Variants in VSIG10 observed in about 807,000 individuals in gnomAD.
The protein encoded by VSIG10 is V-set and immunoglobulin domain-containing protein 10.
In VSIG10, 48 loss-of-function variants were observed where a neutral mutation model predicts 58.7. The ratio of observed to expected loss-of-function variants is 0.82; its 90% CI spans 0.65 to 1.04. The LOEUF (loss-of-function observed/expected upper bound fraction) is 1.04. Ranked by LOEUF, VSIG10 falls within the 50% of genes least tolerant of loss-of-function variation. The pLI, the probability that VSIG10 is intolerant of heterozygous loss-of-function variation, is 0.00. For synonymous variants in VSIG10, 260 were observed against 267.1 expected (o/e 0.97, Z 0.26); for missense variants, 628 against 670.0 (o/e 0.94, Z 0.69).
At chr12:118,091,855 T>G (rs181883381) in intron 2 of VSIG10, among the ~76,000 whole-genome samples, 2 of 151,924 alleles carry the variant, frequency 1.3e-5, no homozygotes, top group Admixed American at 1.3e-4. Flanking sequence ...TCTCCCAAGT[T>G]GAAGCGATTC....
At chr12:118,096,441 G>C (rs2033459032) in intron 1 of VSIG10, among the ~76,000 whole-genome samples, 1 of 151,748 alleles carries the variant, frequency 6.6e-6, no homozygotes, top group Admixed American at 6.6e-5. Flanking sequence ...AGCTGGGCGT[G>C]GTAGCACATG....
chr12:118,094,960 G>A (rs1425809756), intron 2 of VSIG10, among the ~76,000 whole-genome samples: 1 of 149,426 alleles, frequency 6.7e-6, no homozygotes, highest in Non-Finnish European at 1.5e-5. Flanking sequence ...ATGGAGCGCA[G>A]TGGCGCAATC....
chr12:118,082,333 C>T lies in VSIG10; in HGVS notation c.458G>A (p.Cys153Tyr). Residue 153 changes from cysteine to tyrosine, a missense_variant, in exon 3 of 9, where the codon TGC (cysteine) becomes TAC (tyrosine). Coordinates refer to ENST00000359236, the MANE Select transcript of VSIG10 (RefSeq NM_019086.6). Reference protein sequence around the residue: ...AARGSQVDFSCNSSSRPPPVV... With the variant: ...AARGSQVDFSYNSSSRPPPVV... ...GGGTGGTGGCCTGGAGCTGCTGTTG[C>T]AGCTGAAGTCCACCTGGGAGCCCCT... is the stretch of plus-strand genomic sequence containing the variant. The T allele has an allele frequency of 6.2e-7, 1 of 1,613,982 alleles. No homozygotes were observed. Among genetic ancestry groups the T allele is most frequent in the Non-Finnish European group, 8.5e-7 (1 of 1,179,900 alleles).
chr12:118,068,279 C>A, intron 8 of VSIG10, 98 bp downstream of exon 8: 1 of 1,138,196 alleles, frequency 8.8e-7, no homozygotes, highest in Admixed American at 2.5e-5. Flanking sequence ...AAGTGATCTT[C>A]CCACCTTGGC....
chr12:118,099,025 T>G (rs1448736715), intron 1 of VSIG10, among the ~76,000 whole-genome samples: 5 of 151,220 alleles, frequency 3.3e-5, no homozygotes, highest in Non-Finnish European at 5.9e-5. Flanking sequence ...CAGGAATGAT[T>G]CATTATACCT....
At position 118,082,115 on chromosome 12, in the gene VSIG10, C is replaced by G; in HGVS notation, c.664+12G>C. The G allele has an allele frequency of 1.2e-6, 2 of 1,608,816 alleles. No homozygotes were observed. The highest frequency in any genetic ancestry group is 1.7e-6 in the Non-Finnish European group (2 of 1,176,172). On this transcript the variant is annotated intron_variant, in intron 3 of 8. Transcript: ENST00000359236. ...GGGGAAGAAGCGGGGCAGAGGAGTG[C>G]TGCTTACGCACAGTAGACCAGGAGC...
chr12:118,091,310 G>A (rs796613953), intron 2 of VSIG10, among the ~76,000 whole-genome samples: 10 of 152,136 alleles, frequency 6.6e-5, no homozygotes, highest in African/African-American at 2.4e-4. Context: ...GGCTAACATG[G>A]TGAAACCCCA....
chr12:118,080,240 T>C (rs1341529399), intron 3 of VSIG10, among the ~76,000 whole-genome samples: 1 of 151,868 alleles, frequency 6.6e-6, no homozygotes, highest in East Asian at 1.9e-4. Flanking sequence ...CCTCAGGTGA[T>C]CCACCCGCCT....
chr12:118,092,891 C>T (rs1330719987), intron 2 of VSIG10, among the ~76,000 whole-genome samples: 3 of 152,118 alleles, frequency 2.0e-5, no homozygotes, highest in Non-Finnish European at 4.4e-5. Flanking sequence ...CCGCCTCAGC[C>T]TCCCAAAGTG....
intron 4 of VSIG10, among the ~76,000 whole-genome samples, chr12:118,076,038 A>G (rs1436326898): frequency 1.3e-5 from 2 of 152,224 alleles, no homozygotes; most frequent in Non-Finnish European, 2.9e-5. Context: ...TAAAAACTGT[A>G]CTGATCGTAT....
At position 118,066,673 on chromosome 12, in the gene VSIG10, CTT is replaced by C. The variant is rs2032259369; in HGVS notation, c.1587_1588del (p.Ser530Ter). 3.1e-6 allele frequency: 5 copies of C among 1,612,302 alleles called. No homozygotes were observed. The South Asian group carries it at 4.4e-5, about 14-fold the overall frequency. ...CCTGTCTTCTTCTTGAACAATGTCA[CTT>C]TGCTCCTCACTGCTGTCATCTGTAT... On this transcript the variant is annotated frameshift_variant, in exon 9 of 9. Transcript: ENST00000359236. LOFTEE classifies it high-confidence loss of function.
chr12:118,072,610 C>T (rs981810326), intron 5 of VSIG10, among the ~76,000 whole-genome samples: 3 of 152,090 alleles, frequency 2.0e-5, no homozygotes, highest in African/African-American at 7.2e-5. Flanking sequence ...GCAATCTCAA[C>T]ACTTTGGGAG....
At chr12:118,077,213 G>C (rs1207147630) in intron 4 of VSIG10, among the ~76,000 whole-genome samples, 1 of 152,216 alleles carries the variant, frequency 6.6e-6, no homozygotes, top group African/African-American at 2.4e-5. Flanking sequence ...CAAATGCCAA[G>C]TTTGTTTCCA....
At chr12:118,079,642 C>T in intron 3 of VSIG10, 36 bp from the exon 4 acceptor site, 1 of 1,609,274 alleles carries the variant, frequency 6.2e-7, no homozygotes, top group Non-Finnish European at 8.5e-7. Flanking sequence ...GGCTGAATCA[C>T]AGACTCTAGG....
rs2032360052 is a variant in VSIG10, at chr12:118,068,695, T to C, written c.1347-98A>G. On this transcript the variant is annotated intron_variant, in intron 7 of 8. Coordinates refer to ENST00000359236, the MANE Select transcript of VSIG10 (RefSeq NM_019086.6). ...AACACTAGATTCTTTGCAACCCCAT[T>C]AGTAATATGGAAAATTACAGCTTGG... The C allele has an allele frequency of 2.9e-6, 4 of 1,362,290 alleles. No homozygotes were observed. The Admixed American group carries it at 1.1e-4, about 39-fold the overall frequency. The allele number at this position is 1,362,290 out of a possible 1,614,324, so 84.4% of individuals were successfully genotyped here.
intron 3 of VSIG10, among the ~76,000 whole-genome samples, chr12:118,080,435 T>C (rs1394880077): frequency 2.0e-5 from 3 of 151,940 alleles, no homozygotes; most frequent in Non-Finnish European, 4.4e-5. Context: ...GCTGAAATTA[T>C]AGACGTGAGC....
chr12:118,071,151 G>A (rs2032474640), intron 6 of VSIG10, 84 bp from the exon 7 acceptor site: 1 of 1,479,950 alleles, frequency 6.8e-7, no homozygotes, highest in Admixed American at 2.0e-5. Flanking sequence ...ACATTTACTA[G>A]AGGAACAAAT....
In VSIG10 at chr12:118,082,423, G is replaced by A. The variant is rs763726134; in HGVS notation, c.368C>T (p.Pro123Leu). ...CACGATGTGGACCTCAATCTGATAG[G>A]GGCCGCCTGGGGATGACAGGGGGAA... is the stretch of plus-strand genomic sequence containing the variant. ...FQVWLQVASG[P>L]YQIEVHIVAT... The change falls in exon 3 of 9, where the codon CCC becomes CTC. Residue 123 changes from proline to leucine, a missense_variant. Coordinates refer to ENST00000359236, the MANE Select transcript of VSIG10 (RefSeq NM_019086.6). The A allele has an allele frequency of 2.6e-5, 41 of 1,607,240 alleles. No homozygotes were observed. Among genetic ancestry groups the A allele is most frequent in the Non-Finnish European group, 3.3e-5 (39 of 1,175,160 alleles).
At chr12:118,091,289 G>A (rs1443267561) in intron 2 of VSIG10, among the ~76,000 whole-genome samples, 6 of 151,994 alleles carry the variant, frequency 3.9e-5, no homozygotes, top group African/African-American at 9.7e-5. Context: ...TCAGGAGATC[G>A]AGACCATCCT....
Sources: gnomAD v4.1 joint callset for allele counts (sites outside exome capture counted in the v4.1 genomes callset) on GRCh38, gnomAD v4.1.1 for gene constraint, MANE v1.5 for transcripts, NCBI Gene and HGNC (gene_info 2026-07-23, HGNC 2026-07-21) for gene names.